Variants in TNNI3K observed in about 807,000 individuals in gnomAD.
The protein encoded by TNNI3K is TNNI3 interacting kinase, also known as serine/threonine-protein kinase TNNI3K.
A neutral mutation model predicts 114.5 loss-of-function variants in TNNI3K; 140 were observed. The ratio of observed to expected loss-of-function variants is 1.22; its 90% confidence interval spans 1.07 to 1.41. The LOEUF (loss-of-function observed/expected upper bound fraction) is 1.41, where lower values mean the gene tolerates loss of function less well. TNNI3K is among the 40% of genes most tolerant of loss of function. TNNI3K has a pLI of 0.00. For missense variants in TNNI3K, 1,125 were observed against 1,007.6 expected (o/e 1.12, Z -1.58); for synonymous variants, 347 against 347.5 (o/e 1.00, Z 0.02).
chr1:74,398,975 T>C (rs1185265144), intron 17 of TNNI3K, among the ~76,000 whole-genome samples: 1 of 151,100 alleles, frequency 6.6e-6, no homozygotes, highest in Non-Finnish European at 1.5e-5. Flanking sequence ...GCCAACATGG[T>C]TGAAACCCCA....
chr1:74,492,188 G>A lies in TNNI3K; in HGVS notation c.2273G>A (p.Ser758Asn). ...CLVNRGGPGR[S>N]HVAALRSRFE... ...GTGAACCGGGGAGGACCTGGCCGGA[G>A]TCATGTGGCAGCATTAAGAAGTCGT... The change falls in exon 23 of 25, where the codon AGT (serine) becomes AAT (asparagine). Residue 758 changes from serine (S) to asparagine (N), a missense_variant. Physicochemically the swap from Ser to Asn is conservative, Grantham distance 46. Transcript: ENST00000326637. 6.2e-7 allele frequency: 1 copy of A among 1,613,208 alleles called. No homozygotes were observed. The highest frequency in any genetic ancestry group is 8.5e-7 in the Non-Finnish European group (1 of 1,179,358).
At chr1:74,399,385 A>G (rs1202529743) in intron 17 of TNNI3K, among the ~76,000 whole-genome samples, 2 of 152,142 alleles carry the variant, frequency 1.3e-5, no homozygotes, top group African/African-American at 4.8e-5. Flanking sequence ...TATCCTCCAC[A>G]CTGTCATTCC....
At chr1:74,384,870 T>G (rs957967813) in intron 17 of TNNI3K, among the ~76,000 whole-genome samples, 1 of 152,196 alleles carries the variant, frequency 6.6e-6, no homozygotes, top group African/African-American at 2.4e-5. Context: ...AATGGAAAAC[T>G]TTTAATTTTT....
chr1:74,245,270 A>C (rs906334175), intron 2 of TNNI3K, among the ~76,000 whole-genome samples: 1 of 152,174 alleles, frequency 6.6e-6, no homozygotes. Context: ...TAAAGGTCTA[A>C]ACTCTGGTAG....
chr1:74,480,232 G>T lies in TNNI3K; in HGVS notation c.2122-8957G>T, dbSNP rs186092838. 50 of 717,558 alleles carry T rather than the reference G, an allele frequency of 7.0e-5. No homozygotes were observed. The East Asian group carries it at 1.3e-3, about 19-fold the overall frequency. The allele number at this position is 717,558 out of a possible 1,614,324, so 44.4% of individuals were successfully genotyped here. ...TTCTGTCCTTTAGAACCAGAGTGAA[G>T]TTGGGAGCTTTGGAATCACAGTTGG... On this transcript the variant is annotated intron_variant, in intron 21 of 24. Transcript: ENST00000326637.
At chr1:74,393,365 A>T (rs1014644463) in intron 17 of TNNI3K, among the ~76,000 whole-genome samples, 6 of 151,952 alleles carry the variant, frequency 3.9e-5, no homozygotes, top group Middle Eastern at 3.4e-3. Flanking sequence ...CATATAATTT[A>T]AAAAAAAGGA....
At chr1:74,512,304 T>C (rs573896110) in intron 23 of TNNI3K, among the ~76,000 whole-genome samples, 3 of 152,284 alleles carry the variant, frequency 2.0e-5, no homozygotes, top group African/African-American at 7.2e-5. Flanking sequence ...AGCTCCACCT[T>C]GAACCCAAGA....
At chr1:74,329,499 T>G (rs947045300) in intron 5 of TNNI3K, among the ~76,000 whole-genome samples, 1 of 152,096 alleles carries the variant, frequency 6.6e-6, no homozygotes, top group African/African-American at 2.4e-5. Flanking sequence ...TTTCGGATTT[T>G]TCAATAAAAA....
chr1:74,448,523 G>A lies in TNNI3K; in HGVS notation c.2011+8901G>A, dbSNP rs1200201163. On this transcript the variant is annotated intron_variant, in intron 20 of 24. Transcript: ENST00000326637. ...TGTTGAATAGGAGTGGTGAGAGAGG[G>A]CATCCCTGTCTTGTGCCGGTTTTCA... Among the ~76,000 whole-genome samples the A allele has an allele frequency of 4.1e-5, 6 of 146,236 alleles. No homozygotes were observed. The East Asian group carries it at 1.2e-3, about 29-fold the overall frequency.
intron 23 of TNNI3K, among the ~76,000 whole-genome samples, chr1:74,536,626 G>A (rs927043322): frequency 1.3e-5 from 2 of 151,840 alleles, no homozygotes; most frequent in African/African-American, 4.8e-5. Flanking sequence ...TAAAGACTAT[G>A]TTATTCTCTT....
At chr1:74,263,635 A>C (rs1655803091) in intron 4 of TNNI3K, among the ~76,000 whole-genome samples, 1 of 151,910 alleles carries the variant, frequency 6.6e-6, no homozygotes, top group Non-Finnish European at 1.5e-5. Flanking sequence ...AAGAGGATAT[A>C]AAAATGGGTT....
chr1:74,441,947 C>A lies in TNNI3K; in HGVS notation c.2011+2325C>A, dbSNP rs74821302. On this transcript the variant is annotated intron_variant, in intron 20 of 24. Coordinates refer to ENST00000326637, the MANE Select transcript of TNNI3K (RefSeq NM_015978.3). ...ATTCTCAGCAATGTCTTTCAAAGAG[C>A]AGATGTTTTTAATGTCAATGAAATC... Among the ~76,000 whole-genome samples, 1,444 of 152,154 alleles carry A rather than the reference C, an allele frequency of 9.5e-3. 26 individuals are homozygous for A. The highest frequency in any genetic ancestry group is 0.033 in the African/African-American group (1,381 of 41,546).
At chr1:74,298,547 A>G (rs1049721189) in intron 5 of TNNI3K, among the ~76,000 whole-genome samples, 4 of 152,126 alleles carry the variant, frequency 2.6e-5, no homozygotes, top group Admixed American at 2.6e-4. Context: ...CCAAATTTTG[A>G]GCTATCATAA....
chr1:74,312,732 G>T lies in TNNI3K; in HGVS notation c.445-18718G>T, dbSNP rs181081334. 2.6e-5 allele frequency among the ~76,000 whole-genome samples: 4 copies of T among 152,308 alleles called. No individual in the cohort carries two copies. The East Asian group carries it at 7.7e-4, about 29-fold the overall frequency. The stretch of plus-strand genomic sequence containing the variant: ...TCTGTCTTGATCATCACCTTGCTGG[G>T]ATGGTTAGGAAAAGAAGAAATCCTG... On this transcript the variant is annotated intron_variant, in intron 5 of 24. Transcript: ENST00000326637.
intron 17 of TNNI3K, among the ~76,000 whole-genome samples, chr1:74,379,276 A>G (rs2100544747): frequency 6.6e-6 from 1 of 152,100 alleles, no homozygotes; most frequent in Non-Finnish European, 1.5e-5. Flanking sequence ...GGCTATATAC[A>G]TTTTAAAACA....
rs1052212173 is a variant in TNNI3K, at chr1:74,329,722, T to C, written c.445-1728T>C. 1.1e-4 allele frequency among the ~76,000 whole-genome samples: 17 copies of C among 152,206 alleles called. No homozygotes were observed. In the Middle Eastern group the frequency reaches 0.01, roughly 91 times the overall value. ...AGAGACTAAAGATTTAGTTTCCTAT[T>C]GACACTGACTTGCTCTATGACCTGG... On this transcript the variant is annotated intron_variant, in intron 5 of 24. Coordinates refer to ENST00000326637, the MANE Select transcript of TNNI3K (RefSeq NM_015978.3).
intron 5 of TNNI3K, among the ~76,000 whole-genome samples, chr1:74,317,820 CT>C (rs1557493666): frequency 1.3e-5 from 2 of 152,220 alleles, no homozygotes; most frequent in Admixed American, 6.5e-5. Context: ...CTAATTGTCT[CT>C]GTTGGTCCAT....
chr1:74,541,644 AATTT>A (rs1488542835), intron 24 of TNNI3K: 1 of 152,196 alleles, frequency 6.6e-6, no homozygotes, highest in Non-Finnish European at 1.5e-5. Context: ...TCTTTAACTT[AATTT>A]GTTTCTTAAA....
intron 23 of TNNI3K, among the ~76,000 whole-genome samples, chr1:74,500,567 G>A (rs1669567424): frequency 8.3e-6 from 1 of 121,190 alleles, no homozygotes; most frequent in South Asian, 2.9e-4. Context: ...TCCCGCCACT[G>A]CACTCCAGCC....
Sources: allele counts gnomAD v4.1 joint callset (sites outside exome capture counted in the v4.1 genomes callset), GRCh38; gene constraint gnomAD v4.1.1; transcripts MANE v1.5; gene names NCBI Gene and HGNC (gene_info 2026-07-23, HGNC 2026-07-21).